ANGPT1: variants seen among roughly 807,000 people sequenced by gnomAD.
ANGPT1 encodes the protein angiopoietin 1, also known as angiopoietin-1.
In ANGPT1, 17 loss-of-function variants were observed where a neutral mutation model predicts 62.2. The observed-to-expected ratio is 0.27, with a 90% CI of 0.19 to 0.41. ANGPT1 has a LOEUF of 0.41. Ranked by LOEUF, ANGPT1 falls within the 10% of genes least tolerant of loss-of-function variation. The pLI, the probability that ANGPT1 is intolerant of heterozygous loss-of-function variation, is 1.00. For synonymous variants in ANGPT1, 199 were observed against 198.9 expected, an observed-to-expected ratio of 1.00 and a Z score of 0.00; for missense variants, 478 against 594.9, an observed-to-expected ratio of 0.80 and a Z score of 2.04.
At chr8:107,288,929 T>A (rs1814208345) in intron 6 of ANGPT1, among the ~76,000 whole-genome samples, 1 of 152,102 alleles carries the variant, frequency 6.6e-6, no homozygotes, top group Non-Finnish European at 1.5e-5. Flanking sequence ...GCCTGTAACT[T>A]CCATAAAAAT....
chr8:107,307,800 A>C (rs1814755403), intron 4 of ANGPT1, among the ~76,000 whole-genome samples: 1 of 152,134 alleles, frequency 6.6e-6, no homozygotes, highest in Non-Finnish European at 1.5e-5. Flanking sequence ...GGCACTTTTT[A>C]ACACTGAGTA....
intron 6 of ANGPT1, among the ~76,000 whole-genome samples, chr8:107,289,243 T>G (rs1043581422): frequency 6.6e-6 from 1 of 152,168 alleles, no homozygotes; most frequent in African/African-American, 2.4e-5. Context: ...AGGCACATAT[T>G]ACTCAAAAAC....
intron 7 of ANGPT1, among the ~76,000 whole-genome samples, chr8:107,282,559 T>TATATATATATAC (rs1814038976): frequency 1.5e-5 from 1 of 68,042 alleles, no homozygotes; most frequent in Non-Finnish European, 3.1e-5. Context: ...GAACCATATA[T>TATATATATATAC]ATATATATAT....
At chr8:107,482,441 C>A (rs1369283139) in intron 1 of ANGPT1, among the ~76,000 whole-genome samples, 4 of 152,158 alleles carry the variant, frequency 2.6e-5, no homozygotes, top group Non-Finnish European at 5.9e-5. Flanking sequence ...AACCACAGCA[C>A]CTACACATGC....
chr8:107,257,927 T>TCC (rs5893832), intron 8 of ANGPT1, among the ~76,000 whole-genome samples: 1 of 3,594 alleles, frequency 2.8e-4, no homozygotes, highest in Non-Finnish European at 7.3e-4. Context: ...GTTCTTTCTT[T>TCC]CTCTCTCTCT....
chr8:107,277,093 T>C (rs1209509149), intron 7 of ANGPT1, among the ~76,000 whole-genome samples: 1 of 152,202 alleles, frequency 6.6e-6, no homozygotes, highest in Non-Finnish European at 1.5e-5. Flanking sequence ...AATGACAAGA[T>C]GTGCATTAAA....
rs1284205740 is a variant in ANGPT1 at position 107,293,961 on chromosome 8, T to C, written c.1013A>G (p.Gln338Arg). 1 of 1,613,318 alleles carries C rather than the reference T, an allele frequency of 6.2e-7. No individual in the cohort carries two copies. Among genetic ancestry groups the C allele is most frequent in the African/African-American group, 1.3e-5 (1 of 74,868 alleles). Residue 338 changes from glutamine (Q) to arginine (R), a missense_variant, in exon 6 of 9, where the codon CAA becomes CGA. Transcript: ENST00000517746. The part of the protein sequence containing the change: ...QHREDGSLDF[Q>R]RGWKEYKMGF... ...CATTTTATATTCCTTCCAGCCTCTTTGGAAATCTAGACTTCCATCTTCACG... is the reference window on the plus strand; with the variant it reads ...CATTTTATATTCCTTCCAGCCTCTTCGGAAATCTAGACTTCCATCTTCACG...
At chr8:107,333,243 G>C (rs148189717) in intron 3 of ANGPT1, among the ~76,000 whole-genome samples, 60 of 152,002 alleles carry the variant, frequency 3.9e-4, no homozygotes, top group African/African-American at 1.3e-3. Flanking sequence ...ACACACATTA[G>C]GCCCTTAGAC....
At position 107,333,920 on chromosome 8, in the gene ANGPT1, G is replaced by GAGAAAGAAAGAAAGAA. The variant is rs139390488; in HGVS notation, c.575+2214_575+2229dup. ...AAAGGATACATTTTTAAGAAATAAA[G>GAGAAAGAAAGAAAGAA]AGAAAGAAAGAAAGAAAGAAAGAAA... is the stretch of plus-strand genomic sequence containing the variant. On this transcript the variant is annotated intron_variant, in intron 3 of 8. Coordinates refer to ENST00000517746, the MANE Select transcript of ANGPT1 (RefSeq NM_001146.5). Among the ~76,000 whole-genome samples, 148 of 138,138 alleles carry GAGAAAGAAAGAAAGAA rather than the reference G, an allele frequency of 1.1e-3. 1 individual carries two copies. Among genetic ancestry groups the GAGAAAGAAAGAAAGAA allele is most frequent in the African/African-American group, 1.4e-3 (53 of 37,198 alleles). The allele number at this position is 138,138 out of a possible 152,430, so 90.6% of individuals were successfully genotyped here. A position where few individuals can be genotyped will look rare whatever the true frequency, so the allele number is the denominator to read the frequency against.
At chr8:107,306,851 C>T (rs1028595722) in intron 4 of ANGPT1, among the ~76,000 whole-genome samples, 1 of 151,556 alleles carries the variant, frequency 6.6e-6, no homozygotes, top group Admixed American at 6.6e-5. Flanking sequence ...TCAAGACCAA[C>T]CTGGGCAGTA....
intron 1 of ANGPT1, among the ~76,000 whole-genome samples, chr8:107,378,016 C>T (rs555824657): frequency 3.9e-5 from 6 of 152,194 alleles, no homozygotes; most frequent in Admixed American, 6.5e-5. Context: ...CAGAGCCAAG[C>T]GAATAGTTGA....
At chr8:107,344,643 C>G (rs1177817140) in intron 2 of ANGPT1, among the ~76,000 whole-genome samples, 1 of 152,180 alleles carries the variant, frequency 6.6e-6, no homozygotes, top group African/African-American at 2.4e-5. Flanking sequence ...ATAACATCAT[C>G]ATGTGAAAGC....
chr8:107,359,923 T>A (rs1354814261), intron 1 of ANGPT1, among the ~76,000 whole-genome samples: 1 of 152,086 alleles, frequency 6.6e-6, no homozygotes, highest in Non-Finnish European at 1.5e-5. Context: ...AATAAAGAAC[T>A]AGAGAAAGAA....
intron 5 of ANGPT1, among the ~76,000 whole-genome samples, chr8:107,300,282 A>T (rs1243824616): frequency 6.6e-6 from 1 of 151,286 alleles, no homozygotes; most frequent in African/African-American, 2.4e-5. Context: ...AAATTCACAC[A>T]ATATTTGTTC....
chr8:107,275,349 T>A (rs9297393), intron 7 of ANGPT1, among the ~76,000 whole-genome samples: 1 of 151,972 alleles, frequency 6.6e-6, no homozygotes, highest in Non-Finnish European at 1.5e-5. Context: ...AGTTAACCAC[T>A]TGTAGTTTCC....
intron 8 of ANGPT1, among the ~76,000 whole-genome samples, chr8:107,254,513 T>C (rs1227822834): frequency 6.6e-6 from 1 of 151,998 alleles, no homozygotes; most frequent in Non-Finnish European, 1.5e-5. Flanking sequence ...TAAAATGTCA[T>C]GAAGAAAATA....
intron 7 of ANGPT1, among the ~76,000 whole-genome samples, chr8:107,279,488 T>C (rs569969238): frequency 2.6e-4 from 39 of 152,296 alleles, no homozygotes; most frequent in African/African-American, 7.5e-4. Context: ...TATTTGAGGA[T>C]GCCCATATGG....
At chr8:107,350,515 T>C (rs1167565714) in intron 1 of ANGPT1, among the ~76,000 whole-genome samples, 2 of 152,146 alleles carry the variant, frequency 1.3e-5, no homozygotes, top group Non-Finnish European at 2.9e-5. Context: ...TGTACTATTG[T>C]GCTTTTTTTA....
At chr8:107,323,746 T>C (rs1815211756) in intron 3 of ANGPT1, among the ~76,000 whole-genome samples, 1 of 151,702 alleles carries the variant, frequency 6.6e-6, no homozygotes, top group South Asian at 2.1e-4. Context: ...TCAGGTACTG[T>C]TTTTTTGTTT....
Sources: allele counts gnomAD v4.1 joint callset (sites outside exome capture counted in the v4.1 genomes callset), GRCh38; gene constraint gnomAD v4.1.1; transcripts MANE v1.5; gene names NCBI Gene and HGNC (gene_info 2026-07-23, HGNC 2026-07-21).